Variants in NRXN3 observed in about 807,000 individuals in gnomAD.
The protein encoded by NRXN3 is neurexin III.
Under a neutral mutation model 137.6 loss-of-function variants are expected in NRXN3, and 32 were observed. The observed-to-expected ratio is 0.23, with a 90% CI of 0.18 to 0.31. The LOEUF (loss-of-function observed/expected upper bound fraction) is 0.31, where lower values mean the gene tolerates loss of function less well. Among genes scored for constraint, NRXN3 ranks in the 10% least tolerant of loss-of-function variants. The probability of loss-of-function intolerance (pLI) is 1.00; values close to 1 mark genes in which losing one functional copy is unlikely to be tolerated. For synonymous variants in NRXN3, 798 were observed against 784.5 expected, an observed-to-expected ratio of 1.02 and a Z score of -0.29; for missense variants, 1,574 against 2,062.5, an observed-to-expected ratio of 0.76 and a Z score of 4.59.
chr14:79,781,403 TC>T (rs1271959618), intron 19 of NRXN3, among the ~76,000 whole-genome samples: 2 of 152,264 alleles, frequency 1.3e-5, no homozygotes, highest in African/African-American at 4.8e-5. Context: ...CTGCAAGAAG[TC>T]AAGAAAGAAA....
At chr14:78,594,793 G>A (rs1028320184) in intron 4 of NRXN3, among the ~76,000 whole-genome samples, 2 of 152,184 alleles carry the variant, frequency 1.3e-5, no homozygotes, top group Non-Finnish European at 2.9e-5. Flanking sequence ...CTCAAAAAAA[G>A]TCTTCTGAGG....
intron 10 of NRXN3, among the ~76,000 whole-genome samples, chr14:78,865,903 T>A (rs1379270876): frequency 6.6e-6 from 1 of 152,146 alleles, no homozygotes; most frequent in Non-Finnish European, 1.5e-5. Context: ...TCAGAGCCCC[T>A]GAAATAGAAC....
chr14:78,209,237 G>T (rs2062504645), intron 1 of NRXN3, among the ~76,000 whole-genome samples: 1 of 152,168 alleles, frequency 6.6e-6, no homozygotes, highest in African/African-American at 2.4e-5. Flanking sequence ...GACTGTGCCA[G>T]CTGTGGGAAG....
At chr14:78,795,351 A>G (rs896774271) in intron 8 of NRXN3, among the ~76,000 whole-genome samples, 2 of 152,188 alleles carry the variant, frequency 1.3e-5, no homozygotes, top group African/African-American at 2.4e-5. Context: ...CATTGTAAGT[A>G]TTATTATATT....
At chr14:78,750,141 C>T (rs2098634134) in intron 8 of NRXN3, among the ~76,000 whole-genome samples, 1 of 152,224 alleles carries the variant, frequency 6.6e-6, no homozygotes, top group African/African-American at 2.4e-5. Flanking sequence ...AAGCCCACCA[C>T]TGCAAAAGTG....
chr14:79,537,753 T>C (rs964069855), intron 16 of NRXN3, among the ~76,000 whole-genome samples: 14 of 152,176 alleles, frequency 9.2e-5, no homozygotes, highest in Admixed American at 7.9e-4. Flanking sequence ...AATAAACATA[T>C]GTGTGCATGT....
intron 4 of NRXN3, among the ~76,000 whole-genome samples, chr14:78,484,879 A>G (rs1450061584): frequency 1.3e-5 from 2 of 152,240 alleles, no homozygotes; most frequent in African/African-American, 2.4e-5. Context: ...AATTAATGTC[A>G]GTAAATGAAG....
chr14:79,719,342 T>A (rs1437368316), intron 19 of NRXN3, among the ~76,000 whole-genome samples: 2 of 121,126 alleles, frequency 1.7e-5, no homozygotes, highest in Admixed American at 1.9e-4. Flanking sequence ...TATATGTATA[T>A]ATACACATAT....
chr14:78,467,986 C>T (rs1567676219), intron 4 of NRXN3, among the ~76,000 whole-genome samples: 4 of 152,112 alleles, frequency 2.6e-5, no homozygotes, highest in South Asian at 2.1e-4. Context: ...CGCAGTGGCA[C>T]GATCTTGGCT....
At chr14:79,113,407 CCAT>C (rs2053874172) in intron 15 of NRXN3, among the ~76,000 whole-genome samples, 1 of 152,196 alleles carries the variant, frequency 6.6e-6, no homozygotes, top group Non-Finnish European at 1.5e-5. Context: ...CAGCACTCCT[CCAT>C]CAATTACCCC....
chr14:78,798,159 A>G (rs2098827879), intron 8 of NRXN3, among the ~76,000 whole-genome samples: 1 of 152,194 alleles, frequency 6.6e-6, no homozygotes, highest in East Asian at 1.9e-4. Flanking sequence ...CCAAAGTCTC[A>G]TCTGAGACAA....
intron 10 of NRXN3, among the ~76,000 whole-genome samples, chr14:78,927,163 A>C (rs1206520259): frequency 6.8e-6 from 1 of 146,138 alleles, no homozygotes; most frequent in Non-Finnish European, 1.5e-5. Context: ...AAAAAAAAAA[A>C]AAGTTTTTTT....
chr14:79,348,667 G>A lies in NRXN3; in HGVS notation c.3263-118554G>A, dbSNP rs144878100. 7.2e-3 allele frequency among the ~76,000 whole-genome samples: 1,090 copies of A among 152,248 alleles called. 12 individuals carry two copies. Among genetic ancestry groups the A allele is most frequent in the African/African-American group, 0.025 (1,046 of 41,544 alleles). On this transcript the variant is annotated intron_variant, in intron 15 of 20. Transcript: ENST00000335750. Reference sequence around the variant, plus strand: ...GCTGGGATTACAGGCGTAAGCCACCGCGCCCGGCCTAATCTTCTTAATTTG... The same window carrying A: ...GCTGGGATTACAGGCGTAAGCCACCACGCCCGGCCTAATCTTCTTAATTTG...
intron 4 of NRXN3, among the ~76,000 whole-genome samples, chr14:78,580,441 G>A (rs143575732): frequency 2.5e-4 from 38 of 152,292 alleles, no homozygotes; most frequent in Non-Finnish European, 4.4e-4. Context: ...GTATTCTTGA[G>A]TTGGCTCCCA....
intron 10 of NRXN3, among the ~76,000 whole-genome samples, chr14:78,927,641 G>A (rs2099309654): frequency 1.3e-5 from 2 of 152,224 alleles, no homozygotes; most frequent in Non-Finnish European, 2.9e-5. Flanking sequence ...ATGATCCTAT[G>A]TGGGTTATTT....
chr14:79,713,219 G>T (rs2098811234), intron 19 of NRXN3, among the ~76,000 whole-genome samples: 1 of 136,564 alleles, frequency 7.3e-6, no homozygotes, highest in African/African-American at 2.8e-5. Context: ...CCTTATCAGT[G>T]GACCTCAAAG....
chr14:79,852,519 TGTCA>T (rs2099393939), intron 20 of NRXN3, among the ~76,000 whole-genome samples: 1 of 152,206 alleles, frequency 6.6e-6, no homozygotes, highest in South Asian at 2.1e-4. Context: ...ATAACCCATT[TGTCA>T]GTCTAGCTAC....
At chr14:78,301,208 T>C (rs1423687200) in intron 4 of NRXN3, among the ~76,000 whole-genome samples, 2 of 152,022 alleles carry the variant, frequency 1.3e-5, no homozygotes, top group East Asian at 3.9e-4. Flanking sequence ...TTCCTGTATA[T>C]GTGGGATTCG....
chr14:78,439,592 G>T (rs2215831), intron 4 of NRXN3, among the ~76,000 whole-genome samples: 1 of 152,242 alleles, frequency 6.6e-6, no homozygotes, highest in Non-Finnish European at 1.5e-5. Flanking sequence ...AGAGCTTGCT[G>T]TAGCTGCTAT....
Sources: gnomAD v4.1 joint callset for allele counts (sites outside exome capture counted in the v4.1 genomes callset) on GRCh38, gnomAD v4.1.1 for gene constraint, MANE v1.5 for transcripts, NCBI Gene and HGNC (gene_info 2026-07-23, HGNC 2026-07-21) for gene names.